Variants in STIM2 observed in about 807,000 individuals in gnomAD.
STIM2 encodes stromal interaction molecule 2.
A neutral mutation model predicts 85.8 loss-of-function variants in STIM2; 31 were observed. The observed-to-expected ratio is 0.36, with a 90% CI of 0.27 to 0.49. STIM2 has a LOEUF of 0.49. STIM2 is among the 20% of genes least tolerant of loss of function. The pLI is 0.98. For missense variants in STIM2, 841 were observed against 927.6 expected (o/e 0.91, Z 1.21); for synonymous variants, 356 against 331.1 (o/e 1.08, Z -0.82).
intron 3 of STIM2, among the ~76,000 whole-genome samples, chr4:26,994,705 A>G (rs931443865): frequency 6.6e-6 from 1 of 152,092 alleles, no homozygotes; most frequent in Non-Finnish European, 1.5e-5. Flanking sequence ...AGTCTCTCAA[A>G]CACTGCTAGT....
chr4:26,931,459 A>G (rs1224260716), intron 2 of STIM2, among the ~76,000 whole-genome samples: 1 of 152,230 alleles, frequency 6.6e-6, no homozygotes, highest in Non-Finnish European at 1.5e-5. Context: ...TAAAAGCAGT[A>G]AAGTTATAAA....
chr4:26,938,071 A>G (rs1279454150), intron 2 of STIM2, among the ~76,000 whole-genome samples: 1 of 152,018 alleles, frequency 6.6e-6, no homozygotes, highest in Non-Finnish European at 1.5e-5. Flanking sequence ...ATTTTTAAAT[A>G]AATTTTAAAA....
chr4:26,999,275 A>G lies in STIM2; in HGVS notation c.553A>G (p.Ile185Val), dbSNP rs764455082. The G allele has an allele frequency of 6.2e-7, 1 of 1,609,746 alleles. No homozygotes were observed. Among genetic ancestry groups the G allele is most frequent in the East Asian group, 2.2e-5 (1 of 44,454 alleles). Residue 185 changes from isoleucine to valine, a missense_variant, in exon 5 of 12, where the codon ATC becomes GTC. Ile to Val is a conservative substitution (Grantham distance 29). Coordinates refer to ENST00000467087, the MANE Select transcript of STIM2 (RefSeq NM_020860.4). ...TTCATTTATGATCTCCCAGTTGAAA[A>G]TCAGTGACCGGAGTCACAGACAAAA... is the stretch of plus-strand genomic sequence containing the variant.
chr4:27,008,441 A>G lies in STIM2; in HGVS notation c.1163A>G (p.Lys388Arg). The G allele has an allele frequency of 6.3e-7, 1 of 1,584,040 alleles. No homozygotes were observed. The highest frequency in any genetic ancestry group is 8.6e-7 in the Non-Finnish European group (1 of 1,168,126). Residue 388 changes from lysine to arginine, a missense_variant, in exon 9 of 12, where the codon AAA (lysine) becomes AGA (arginine). Physicochemically the swap from Lys to Arg is conservative, Grantham distance 26. Transcript: ENST00000467087. ...TTCGGTTTCTAGGCAGAAAAAATTAAAAAGAAGAGAAGCACAGTCTTTGGG... is the reference window on the plus strand; with the variant it reads ...TTCGGTTTCTAGGCAGAAAAAATTAGAAAGAAGAGAAGCACAGTCTTTGGG...
rs535935808 is a variant in STIM2, at chr4:27,016,128, G to T, written c.1490-1583G>T. On this transcript the variant is annotated intron_variant, in intron 10 of 11. Coordinates refer to ENST00000467087, the MANE Select transcript of STIM2 (RefSeq NM_020860.4). The stretch of plus-strand genomic sequence containing the variant: ...CTTTGAATTTTTAACTCTAATTACT[G>T]TTTTTCATTTCTATTAGTTATCTTT... Among the ~76,000 whole-genome samples the T allele has an allele frequency of 7.9e-5, 12 of 151,784 alleles. No homozygotes were observed. The East Asian group carries it at 2.3e-3, about 29-fold the overall frequency.
At chr4:26,881,428 T>C (rs1403789104) in intron 1 of STIM2, 1 of 148,384 alleles carries the variant, frequency 6.7e-6, no homozygotes, top group African/African-American at 2.5e-5. Context: ...ATTGCACTGC[T>C]GCACTCTAGC....
rs922942511 is a variant in STIM2, at chr4:27,024,179, G to A, written c.*1183G>A. 10 of 152,144 alleles carry A rather than the reference G, an allele frequency of 6.6e-5. No homozygotes were observed. Among genetic ancestry groups the A allele is most frequent in the African/African-American group, 1.7e-4 (7 of 41,418 alleles). The allele number at this position is 152,144 out of a possible 1,614,324, so 9.4% of individuals were successfully genotyped here. A position where few individuals can be genotyped will look rare whatever the true frequency, so the allele number is the denominator to read the frequency against. On this transcript the variant is annotated 3_prime_UTR_variant, in exon 12 of 12. Transcript: ENST00000467087. ...AGATTAACAAATATAAATTTATGGT[G>A]CATTTAGATTGCGTTGTATTAATTT...
intron 1 of STIM2, among the ~76,000 whole-genome samples, chr4:26,878,940 C>T (rs1370898294): frequency 1.3e-5 from 2 of 152,134 alleles, no homozygotes; most frequent in Admixed American, 6.5e-5. Context: ...CAGTCACCTC[C>T]CATCAGGATC....
intron 2 of STIM2, among the ~76,000 whole-genome samples, chr4:26,956,443 CTTT>C (rs545865394): frequency 7.4e-5 from 10 of 135,404 alleles, no homozygotes; most frequent in Admixed American, 2.2e-4. Flanking sequence ...ATTTCAATGC[CTTT>C]TTTTTTTTTT....
chr4:26,967,824 C>A (rs979468253), intron 3 of STIM2, among the ~76,000 whole-genome samples: 7 of 152,120 alleles, frequency 4.6e-5, no homozygotes, highest in African/African-American at 1.7e-4. Flanking sequence ...TTCCCCCTCC[C>A]CCCTCCTCCA....
intron 11 of STIM2, 72 bp downstream of exon 11, chr4:27,018,056 G>A: frequency 6.4e-7 from 1 of 1,569,976 alleles, no homozygotes; most frequent in Non-Finnish European, 8.7e-7. Flanking sequence ...GGGGGCGGGA[G>A]GAGTGGTGCA....
intron 1 of STIM2, among the ~76,000 whole-genome samples, chr4:26,891,772 T>G (rs187100934): frequency 1.2e-3 from 180 of 152,266 alleles, no homozygotes; most frequent in Non-Finnish European, 1.9e-3. Context: ...AACTTTTACT[T>G]CACATTAGAA....
At chr4:26,920,970 A>C (rs1375241642) in intron 2 of STIM2, among the ~76,000 whole-genome samples, 1 of 152,216 alleles carries the variant, frequency 6.6e-6, no homozygotes, top group African/African-American at 2.4e-5. Flanking sequence ...CTCTAAAAAC[A>C]TGTTGAAGTC....
chr4:26,905,524 G>T (rs530064076), intron 1 of STIM2, among the ~76,000 whole-genome samples: 2 of 152,148 alleles, frequency 1.3e-5, no homozygotes, highest in Non-Finnish European at 2.9e-5. Context: ...ATGTGTGTGG[G>T]AAGAATAATC....
intron 1 of STIM2, among the ~76,000 whole-genome samples, chr4:26,883,447 A>G (rs1197495496): frequency 6.6e-6 from 1 of 152,142 alleles, no homozygotes; most frequent in Admixed American, 6.5e-5. Flanking sequence ...TTTGGTGTTC[A>G]GTGAATTAGG....
chr4:26,961,765 C>CT (rs1013242546), intron 3 of STIM2, among the ~76,000 whole-genome samples: 15 of 148,958 alleles, frequency 1.0e-4, no homozygotes, highest in East Asian at 3.9e-4. Flanking sequence ...CCCATGGCAT[C>CT]TTTTTTTTTT....
chr4:26,891,548 T>TATAC (rs745527510), intron 1 of STIM2, among the ~76,000 whole-genome samples: 5 of 125,270 alleles, frequency 4.0e-5, no homozygotes, highest in East Asian at 2.7e-4. Context: ...AAGATATGTG[T>TATAC]ATACATACAT....
At chr4:26,960,250 A>G (rs908291223) in intron 3 of STIM2, among the ~76,000 whole-genome samples, 4 of 152,326 alleles carry the variant, frequency 2.6e-5, no homozygotes, top group African/African-American at 9.6e-5. Context: ...GCTGAAGTAG[A>G]GATTAGAATG....
At chr4:26,957,158 C>A (rs185254949) in intron 2 of STIM2, among the ~76,000 whole-genome samples, 314 of 152,242 alleles carry the variant, frequency 2.1e-3, no homozygotes, top group Admixed American at 4.7e-3. Context: ...ACTTACAGTA[C>A]TTAATACAGT....
Sources: allele counts gnomAD v4.1 joint callset (sites outside exome capture counted in the v4.1 genomes callset), GRCh38; gene constraint gnomAD v4.1.1; transcripts MANE v1.5; gene names NCBI Gene and HGNC (gene_info 2026-07-23, HGNC 2026-07-21).